Variants in NHSL2 observed in about 807,000 individuals in gnomAD.
The protein encoded by NHSL2 is NHS-like protein 2.
In NHSL2, 27 loss-of-function variants were observed where a neutral mutation model predicts 53.4. The ratio of observed to expected loss-of-function variants is 0.51; its 90% CI spans 0.37 to 0.70. The LOEUF (loss-of-function observed/expected upper bound fraction) is 0.70, where lower values mean the gene tolerates loss of function less well. Among genes scored for constraint, NHSL2 ranks in the 30% least tolerant of loss-of-function variants. The pLI, the probability that NHSL2 is intolerant of heterozygous loss-of-function variation, is 0.00. For synonymous variants in NHSL2, 408 were observed against 404.1 expected (o/e 1.01, Z -0.12); for missense variants, 892 against 980.1 (o/e 0.91, Z 1.20).
At chrX:72,122,022 G>T (rs1253328662) in intron 1 of NHSL2, among the ~76,000 whole-genome samples, 1 of 111,865 alleles carries the variant, frequency 8.9e-6, no homozygotes, top group Non-Finnish European at 1.9e-5. Context: ...GTGATTTAGC[G>T]CATTATGAAA....
chrX:71,929,767 C>T (rs770286820), intron 1 of NHSL2, among the ~76,000 whole-genome samples: 2 of 108,945 alleles, frequency 1.8e-5, no homozygotes, highest in South Asian at 4.1e-4. Context: ...TTCTTTTTGG[C>T]GGTGGGGGAC....
chrX:71,957,421 C>T (rs1305922428), intron 1 of NHSL2, among the ~76,000 whole-genome samples: 2 of 112,274 alleles, frequency 1.8e-5, no homozygotes, highest in African/African-American at 3.2e-5. Context: ...TGCCCACCAC[C>T]GTGCTCAGCT....
At chrX:72,025,092 C>G (rs1466858105) in intron 1 of NHSL2, among the ~76,000 whole-genome samples, 1 of 111,778 alleles carries the variant, frequency 8.9e-6, no homozygotes, top group Non-Finnish European at 1.9e-5. Flanking sequence ...ATAATGATAC[C>G]TATTTGAGGT....
chrX:71,957,487 C>T (rs752399615), intron 1 of NHSL2, among the ~76,000 whole-genome samples: 5 of 112,027 alleles, frequency 4.5e-5, no homozygotes, highest in Admixed American at 3.7e-4. Flanking sequence ...AGGATGGTCT[C>T]GATCTCCTGA....
chrX:71,920,213 C>A (rs1309310231), intron 1 of NHSL2, among the ~76,000 whole-genome samples: 1 of 111,989 alleles, frequency 8.9e-6, no homozygotes, highest in Non-Finnish European at 1.9e-5. Flanking sequence ...CCAGCCATCT[C>A]CCTGGGTAGA....
intron 1 of NHSL2, among the ~76,000 whole-genome samples, chrX:72,110,022 C>A (rs776240785): frequency 6.3e-5 from 7 of 111,652 alleles, no homozygotes; most frequent in Non-Finnish European, 9.4e-5. Context: ...GGAGATGCAG[C>A]CAAAACCCAC....
intron 1 of NHSL2, among the ~76,000 whole-genome samples, chrX:72,104,397 G>A (rs188505018): frequency 8.9e-6 from 1 of 112,299 alleles, no homozygotes; most frequent in Non-Finnish European, 1.9e-5. Flanking sequence ...CCAAGTAGAG[G>A]CCCATAAGTT....
At chrX:72,114,321 G>A (rs761236235) in intron 1 of NHSL2, among the ~76,000 whole-genome samples, 3 of 112,287 alleles carry the variant, frequency 2.7e-5, no homozygotes, top group Non-Finnish European at 3.8e-5. Context: ...AGGAAACAAA[G>A]GGAGTGGGAA....
chrX:72,018,635 G>T (rs2042145633), intron 1 of NHSL2, among the ~76,000 whole-genome samples: 1 of 112,748 alleles, frequency 8.9e-6, no homozygotes, highest in African/African-American at 3.2e-5. Flanking sequence ...CGGTGCGGGC[G>T]CAGCCGGCGC....
chrX:71,964,454 C>A (rs889256753), intron 1 of NHSL2, among the ~76,000 whole-genome samples: 1 of 110,493 alleles, frequency 9.1e-6, no homozygotes, highest in African/African-American at 3.3e-5. Context: ...TTCTTAAAAC[C>A]CAAAATCCTG....
chrX:71,969,293 GTTTTCTTTTTTTC>G (rs1262657456), intron 1 of NHSL2, among the ~76,000 whole-genome samples: 3 of 98,038 alleles, frequency 3.1e-5, no homozygotes, highest in East Asian at 6.4e-4. Context: ...AAGTTGAACG[GTTTTCTTTTTTTC>G]TTTTTTTTTT....
rs1569485716 is a variant in NHSL2, at chrX:72,152,369, A to ATG, written c.*8795_*8796insTG. On this transcript the variant is annotated 3_prime_UTR_variant, in exon 8 of 8. Transcript: ENST00000633930. ...TGCATGCGCGCGCGCACACACACAC[A>ATG]CACACACACACACACACACACAGTC... 9.2e-6 allele frequency: 1 copy of ATG among 108,603 alleles called. No individual in the cohort carries two copies. Among genetic ancestry groups the ATG allele is most frequent in the Non-Finnish European group, 1.9e-5 (1 of 51,879 alleles). The allele number at this position is 108,603 out of a possible 1,213,427, so 9.0% of individuals were successfully genotyped here.
chrX:72,134,363 C>G (rs2042336406), intron 3 of NHSL2, 145 bp downstream of exon 3: 1 of 839,685 alleles, frequency 1.2e-6, no homozygotes, highest in Non-Finnish European at 1.7e-6. Context: ...AGGCCCTGCA[C>G]AGCAGGTGCC....
chrX:71,973,477 G>A (rs369552846), intron 1 of NHSL2, among the ~76,000 whole-genome samples: 21 of 111,673 alleles, frequency 1.9e-4, no homozygotes, highest in Non-Finnish European at 1.1e-4. Context: ...TCTAAATAAC[G>A]AGCCCCCTTA....
At chrX:72,104,403 A>G (rs777790550) in intron 1 of NHSL2, among the ~76,000 whole-genome samples, 1 of 112,628 alleles carries the variant, frequency 8.9e-6, no homozygotes, top group East Asian at 2.8e-4. Flanking sequence ...AGAGGCCCAT[A>G]AGTTTCATTA....
At chrX:72,116,102 C>G (rs1470309361) in intron 1 of NHSL2, among the ~76,000 whole-genome samples, 4 of 111,892 alleles carry the variant, frequency 3.6e-5, no homozygotes, top group Non-Finnish European at 7.5e-5. Context: ...GACAAGCCAT[C>G]TAACCTCTCA....
chrX:71,945,774 C>T (rs1462321456), intron 1 of NHSL2, among the ~76,000 whole-genome samples: 2 of 111,468 alleles, frequency 1.8e-5, no homozygotes, highest in African/African-American at 6.5e-5. Context: ...TTTTTCCTGA[C>T]CAGTTGCTGC....
intron 1 of NHSL2, among the ~76,000 whole-genome samples, chrX:71,998,710 C>T (rs1277753058): frequency 9.0e-6 from 1 of 111,449 alleles, no homozygotes; most frequent in Non-Finnish European, 1.9e-5. Context: ...CCTTTCAGCT[C>T]CCCCTTCATC....
intron 1 of NHSL2, among the ~76,000 whole-genome samples, chrX:72,083,964 C>G (rs765195839): frequency 5.4e-5 from 6 of 112,125 alleles, no homozygotes; most frequent in Admixed American, 1.9e-4. Context: ...ATGTTGCATC[C>G]TTTTTCTGGA....
Sources: gnomAD v4.1 joint callset for allele counts (sites outside exome capture counted in the v4.1 genomes callset) on GRCh38, gnomAD v4.1.1 for gene constraint, MANE v1.5 for transcripts, NCBI Gene and HGNC (gene_info 2026-07-23, HGNC 2026-07-21) for gene names.